PMM2: variants seen among roughly 807,000 people sequenced by gnomAD.
PMM2 encodes mannose-6-phosphate isomerase.
PMM2 carries 35 observed loss-of-function variants against 33.2 expected under a neutral mutation model. The observed-to-expected ratio is 1.06, with a 90% confidence interval of 0.81 to 1.40. The LOEUF is 1.40. PMM2 is among the 40% of genes most tolerant of loss of function. The probability of loss-of-function intolerance (pLI) is 0.00; values close to 1 mark genes in which losing one functional copy is unlikely to be tolerated. For missense variants in PMM2, 386 were observed against 306.0 expected (o/e 1.26, Z -1.95); for synonymous variants, 153 against 114.7 (o/e 1.33, Z -2.13).
At chr16:8,846,998 G>A (rs930665174) in intron 7 of PMM2, among the ~76,000 whole-genome samples, 1 of 152,084 alleles carries the variant, frequency 6.6e-6, no homozygotes, top group African/African-American at 2.4e-5. Flanking sequence ...CGAGCAGCTG[G>A]GATTTCAGAC....
At chr16:8,806,780 A>G (rs1277429499) in intron 4 of PMM2, 5 of 296,066 alleles carry the variant, frequency 1.7e-5, no homozygotes, top group South Asian at 1.4e-4. Flanking sequence ...TTATACAACC[A>G]TTGAAGACCA....
intron 7 of PMM2, chr16:8,832,749 C>T (rs1207327107): frequency 2.1e-5 from 21 of 985,232 alleles, no homozygotes; most frequent in Admixed American, 1.2e-4. Context: ...GGCGGCTACC[C>T]GTGAAATCCC....
At chr16:8,813,374 T>G (rs2141024538) in intron 7 of PMM2, among the ~76,000 whole-genome samples, 1 of 152,342 alleles carries the variant, frequency 6.6e-6, no homozygotes. Flanking sequence ...CCACCCTATG[T>G]GCCTTCCAGA....
chr16:8,804,657 C>G (rs924763910), intron 2 of PMM2, 110 bp from the exon 3 acceptor site: 4 of 764,072 alleles, frequency 5.2e-6, no homozygotes, highest in Non-Finnish European at 9.4e-6. Context: ...TAGTCTTTCA[C>G]AGTCCTTGCT....
rs148032587 is a variant in PMM2 at position 8,811,173 on chromosome 16, G to A, written c.442G>A (p.Asp148Asn). Residue 148 changes from aspartate (D) to asparagine (N), a missense_variant, in exon 5 of 8, where the codon GAT becomes AAT. Asp to Asn is a conservative substitution (Grantham distance 23). Transcript: ENST00000268261. The part of the protein sequence containing the change: ...QEERIEFYEL[D>N]KKENIRQKFV... ...AGAACGCATTGAGTTCTACGAACTC[G>A]ATAAAGTACGTCTTTCTGAAATATC... 873 of 1,544,316 alleles carry A rather than the reference G, an allele frequency of 5.7e-4. No homozygotes were observed. Among genetic ancestry groups the A allele is most frequent in the Non-Finnish European group, 7.4e-4 (843 of 1,133,632 alleles).
chr16:8,847,373 C>G (rs1360713393), intron 7 of PMM2, among the ~76,000 whole-genome samples: 1 of 44,430 alleles, frequency 2.3e-5, no homozygotes, highest in Non-Finnish European at 4.7e-5. Flanking sequence ...AGCGTAGGTA[C>G]AGCTAAAAAA....
intron 4 of PMM2, among the ~76,000 whole-genome samples, chr16:8,807,276 G>A (rs1321626640): frequency 1.3e-5 from 2 of 151,868 alleles, no homozygotes; most frequent in Admixed American, 6.6e-5. Context: ...CAAATTGCTG[G>A]TGTCAAAGGC....
chr16:8,842,714 G>T (rs908891168), intron 7 of PMM2, among the ~76,000 whole-genome samples: 1 of 152,210 alleles, frequency 6.6e-6, no homozygotes, highest in South Asian at 2.1e-4. Flanking sequence ...AGACTTGTCC[G>T]GTTTCTGGAC....
At chr16:8,799,531 T>G (rs73501490) in intron 1 of PMM2, among the ~76,000 whole-genome samples, 3,384 of 151,500 alleles carry the variant, frequency 0.022, 119 homozygotes, top group African/African-American at 0.077. Flanking sequence ...CTTCTGATTT[T>G]CTGATTTTCA....
chr16:8,826,385 G>A (rs568290783), intron 7 of PMM2, among the ~76,000 whole-genome samples: 1 of 152,242 alleles, frequency 6.6e-6, no homozygotes, highest in South Asian at 2.1e-4. Context: ...TGCAGATAAA[G>A]TCTGACTCTC....
chr16:8,807,368 C>G (rs2060653499), intron 4 of PMM2, among the ~76,000 whole-genome samples: 1 of 152,200 alleles, frequency 6.6e-6, no homozygotes. Context: ...GACCTGGCTA[C>G]TCCGGCTCCC....
At chr16:8,818,180 G>A (rs1490383018) in intron 7 of PMM2, among the ~76,000 whole-genome samples, 1 of 151,824 alleles carries the variant, frequency 6.6e-6, no homozygotes, top group Non-Finnish European at 1.5e-5. Context: ...GGGATTACAG[G>A]CGTGAGCCAC....
chr16:8,820,127 G>A (rs932839521), intron 7 of PMM2, among the ~76,000 whole-genome samples: 1 of 152,192 alleles, frequency 6.6e-6, no homozygotes, highest in Non-Finnish European at 1.5e-5. Flanking sequence ...AACCCGGGAG[G>A]CGGAGGTTGC....
At chr16:8,834,346 A>G (rs540762014) in intron 7 of PMM2, among the ~76,000 whole-genome samples, 1 of 152,228 alleles carries the variant, frequency 6.6e-6, no homozygotes, top group Non-Finnish European at 1.5e-5. Flanking sequence ...TTTGACTAGT[A>G]AAGGCTGGTC....
At chr16:8,833,482 A>T (rs2060823334) in intron 7 of PMM2, among the ~76,000 whole-genome samples, 1 of 152,102 alleles carries the variant, frequency 6.6e-6, no homozygotes. Context: ...CTGCCTTCTT[A>T]TATTAATAAG....
chr16:8,831,391 A>C (rs535850063), intron 7 of PMM2, among the ~76,000 whole-genome samples: 2 of 151,814 alleles, frequency 1.3e-5, no homozygotes, highest in African/African-American at 4.8e-5. Flanking sequence ...AGAATCGACT[A>C]TAAGGCATGG....
intron 7 of PMM2, chr16:8,832,788 C>A (rs1596500239): frequency 2.0e-6 from 2 of 985,258 alleles, no homozygotes; most frequent in African/African-American, 1.7e-5. Context: ...GTGAGGCCCG[C>A]TGTGGCCCGG....
intron 4 of PMM2, 138 bp from the exon 5 acceptor site, chr16:8,810,941 T>C: frequency 1.4e-6 from 1 of 694,946 alleles, no homozygotes; most frequent in South Asian, 1.5e-5. Context: ...GCTACCATAT[T>C]ACATAGCACA....
chr16:8,832,183 A>G (rs2060814123), intron 7 of PMM2: 4 of 985,276 alleles, frequency 4.1e-6, no homozygotes, highest in Non-Finnish European at 4.8e-6. Context: ...GGAGCCCACC[A>G]TGCTCTGAGA....
Sources: allele counts gnomAD v4.1 joint callset (sites outside exome capture counted in the v4.1 genomes callset), GRCh38; gene constraint gnomAD v4.1.1; transcripts MANE v1.5; gene names NCBI Gene and HGNC (gene_info 2026-07-23, HGNC 2026-07-21).